Variants in DLC1 observed in about 807,000 individuals in gnomAD.
The protein encoded by DLC1 is rho GTPase-activating protein 7.
In DLC1, 54 loss-of-function variants were observed where a neutral mutation model predicts 140.3. That is an observed-to-expected ratio of 0.38 (90% CI 0.31 to 0.48). DLC1 has a LOEUF of 0.48. DLC1 is among the 20% of genes least tolerant of loss of function. The pLI, the probability that DLC1 is intolerant of heterozygous loss-of-function variation, is 0.96. For synonymous variants in DLC1, 986 were observed against 728.1 expected (o/e 1.35, Z -5.70); for missense variants, 2,536 against 1,907.0 (o/e 1.33, Z -6.14).
chr8:13,316,627 C>T (rs1832870519), intron 4 of DLC1, among the ~76,000 whole-genome samples: 2 of 152,158 alleles, frequency 1.3e-5, no homozygotes, highest in Non-Finnish European at 2.9e-5. Flanking sequence ...ATTATCTAAT[C>T]CTCTGGATCC....
At chr8:13,303,250 CCTG>C (rs1269715152) in intron 5 of DLC1, among the ~76,000 whole-genome samples, 1 of 152,160 alleles carries the variant, frequency 6.6e-6, no homozygotes, top group Admixed American at 6.5e-5. Flanking sequence ...ATCAGTCCAT[CCTG>C]AGTTGCTAGG....
intron 5 of DLC1, among the ~76,000 whole-genome samples, chr8:13,195,827 T>C (rs1411848646): frequency 6.6e-6 from 1 of 152,068 alleles, no homozygotes; most frequent in African/African-American, 2.4e-5. Flanking sequence ...GCACTATCCT[T>C]CTCTTGGATT....
At chr8:13,279,400 G>A (rs1489009545) in intron 5 of DLC1, among the ~76,000 whole-genome samples, 1 of 152,174 alleles carries the variant, frequency 6.6e-6, no homozygotes, top group Non-Finnish European at 1.5e-5. Context: ...TCCTAGTGCA[G>A]GTTGCATTAG....
chr8:13,100,903 AGTT>A (rs1819023471), intron 8 of DLC1, 133 bp from the exon 9 acceptor site: 24 of 762,404 alleles, frequency 3.1e-5, no homozygotes, highest in African/African-American at 4.2e-5. Flanking sequence ...TTAATTTTAA[AGTT>A]TTTTTTTTTT....
chr8:13,102,239 G>A (rs903201831), intron 8 of DLC1, among the ~76,000 whole-genome samples: 5 of 152,134 alleles, frequency 3.3e-5, no homozygotes, highest in Admixed American at 1.3e-4. Context: ...CAACTCACAC[G>A]CAGAAGAAAA....
At chr8:13,225,269 CA>C (rs540489827) in intron 5 of DLC1, among the ~76,000 whole-genome samples, 2 of 152,298 alleles carry the variant, frequency 1.3e-5, no homozygotes, top group South Asian at 4.1e-4. Flanking sequence ...AAAACACTTT[CA>C]AAAGGCTTCA....
intron 2 of DLC1, among the ~76,000 whole-genome samples, chr8:13,442,920 C>G (rs1798591839): frequency 6.6e-6 from 1 of 152,114 alleles, no homozygotes; most frequent in South Asian, 2.1e-4. Context: ...TTTATTGTGG[C>G]AGTATTCACA....
chr8:13,487,919 C>G (rs1297441503), intron 2 of DLC1, among the ~76,000 whole-genome samples: 1 of 152,212 alleles, frequency 6.6e-6, no homozygotes, highest in Non-Finnish European at 1.5e-5. Flanking sequence ...TGATATTTTA[C>G]ATTTTATCAG....
At chr8:13,358,574 A>T (rs1835058447) in intron 4 of DLC1, among the ~76,000 whole-genome samples, 1 of 152,202 alleles carries the variant, frequency 6.6e-6, no homozygotes, top group Non-Finnish European at 1.5e-5. Flanking sequence ...TCTTTTAAAA[A>T]ATATACATTA....
chr8:13,520,328 A>G (rs1016303962), intron 1 of DLC1, among the ~76,000 whole-genome samples: 2 of 152,230 alleles, frequency 1.3e-5, no homozygotes, highest in Non-Finnish European at 2.9e-5. Flanking sequence ...TTGCAGGGAC[A>G]TGGATGAAGC....
At chr8:13,521,261 G>A (rs1802756467) in intron 1 of DLC1, among the ~76,000 whole-genome samples, 1 of 152,088 alleles carries the variant, frequency 6.6e-6, no homozygotes, top group African/African-American at 2.4e-5. Context: ...GAGGGGCTTG[G>A]GGAGGGAGAG....
intron 2 of DLC1, among the ~76,000 whole-genome samples, chr8:13,465,418 A>G (rs1799886843): frequency 6.6e-6 from 1 of 152,156 alleles, no homozygotes; most frequent in South Asian, 2.1e-4. Flanking sequence ...TGTATTTGAC[A>G]TTTTAATTGT....
intron 2 of DLC1, among the ~76,000 whole-genome samples, chr8:13,450,325 G>A (rs1358498412): frequency 6.6e-6 from 1 of 151,010 alleles, no homozygotes; most frequent in East Asian, 2.0e-4. Context: ...CATGGTGGCG[G>A]GTGACTGTAA....
chr8:13,283,922 A>G (rs941344197), intron 5 of DLC1, among the ~76,000 whole-genome samples: 4 of 152,200 alleles, frequency 2.6e-5, no homozygotes, highest in African/African-American at 9.7e-5. Context: ...TGAGATCTGC[A>G]GAGGGGTCTT....
intron 1 of DLC1, among the ~76,000 whole-genome samples, chr8:13,533,613 C>T (rs1459073357): frequency 6.6e-6 from 1 of 152,172 alleles, no homozygotes; most frequent in African/African-American, 2.4e-5. Context: ...CTGACAGGTG[C>T]TGAGGACCAA....
intron 4 of DLC1, among the ~76,000 whole-genome samples, chr8:13,316,125 A>G (rs1832851610): frequency 6.6e-6 from 1 of 152,192 alleles, no homozygotes; most frequent in East Asian, 1.9e-4. Flanking sequence ...ACAAGTGGTT[A>G]GGGACAGCTA....
intron 1 of DLC1, among the ~76,000 whole-genome samples, chr8:13,524,595 C>T (rs368438474): frequency 6.6e-6 from 1 of 152,144 alleles, no homozygotes; most frequent in South Asian, 2.1e-4. Flanking sequence ...TCCTGTATTT[C>T]TCTCAATGAA....
chr8:13,121,872 A>G (rs538504872), intron 5 of DLC1, among the ~76,000 whole-genome samples: 2 of 152,210 alleles, frequency 1.3e-5, no homozygotes, highest in East Asian at 3.9e-4. Flanking sequence ...TTTTAAAAAC[A>G]CCGACCATCC....
intron 5 of DLC1, among the ~76,000 whole-genome samples, chr8:13,157,974 G>C (rs6999896): frequency 0.058 from 8,893 of 152,274 alleles, 862 homozygotes; most frequent in African/African-American, 0.2. Flanking sequence ...AAGTAGAATT[G>C]TTTGAAACGA....
Sources: gnomAD v4.1 joint callset for allele counts (sites outside exome capture counted in the v4.1 genomes callset) on GRCh38, gnomAD v4.1.1 for gene constraint, MANE v1.5 for transcripts, NCBI Gene and HGNC (gene_info 2026-07-23, HGNC 2026-07-21) for gene names.